The following RNF216 variants were observed in gnomAD, a reference collection of about 807,000 sequenced individuals.
RNF216 encodes ring finger protein 216.
Under a neutral mutation model 110.8 loss-of-function variants are expected in RNF216, and 72 were observed. The observed-to-expected ratio is 0.65, with a 90% CI of 0.54 to 0.79. The LOEUF (loss-of-function observed/expected upper bound fraction) is 0.79, where lower values mean the gene tolerates loss of function less well. Among genes scored for constraint, RNF216 ranks in the 30% least tolerant of loss-of-function variants. RNF216 has a pLI of 0.00. For missense variants in RNF216, 1,342 were observed against 1,141.2 expected (o/e 1.18, Z -2.54); for synonymous variants, 495 against 407.5 (o/e 1.21, Z -2.59).
intron 13 of RNF216, among the ~76,000 whole-genome samples, chr7:5,660,943 G>GTTTTTTTTTTTTTTT (rs1168463360): frequency 3.3e-4 from 30 of 90,150 alleles, no homozygotes; most frequent in South Asian, 7.3e-4. Flanking sequence ...GAAGCCTTAG[G>GTTTTTTTTTTTTTTT]TTTTTTTTTT....
chr7:5,681,663 GA>G (rs1212545006), intron 13 of RNF216, among the ~76,000 whole-genome samples: 1 of 152,172 alleles, frequency 6.6e-6, no homozygotes, highest in Non-Finnish European at 1.5e-5. Context: ...CTCAACTGGG[GA>G]TAGTTTTCTG....
At chr7:5,769,967 A>G (rs1045794375) in intron 1 of RNF216, among the ~76,000 whole-genome samples, 15 of 126,166 alleles carry the variant, frequency 1.2e-4, no homozygotes, top group African/African-American at 4.6e-4. Context: ...GCCAAGTTGC[A>G]GTGAGCTGAG....
chr7:5,683,010 C>G (rs1269871690), intron 13 of RNF216, among the ~76,000 whole-genome samples: 3 of 152,100 alleles, frequency 2.0e-5, no homozygotes, highest in Non-Finnish European at 2.9e-5. Flanking sequence ...CCTCCCATGA[C>G]GGGGTCACAA....
At chr7:5,647,185 G>T (rs1788101115) in intron 14 of RNF216, among the ~76,000 whole-genome samples, 1 of 151,758 alleles carries the variant, frequency 6.6e-6, no homozygotes, top group Admixed American at 6.6e-5. Flanking sequence ...TCTGGTGGGA[G>T]ATAGGAGTTT....
intron 13 of RNF216, among the ~76,000 whole-genome samples, chr7:5,664,723 TCTC>T (rs1430559086): frequency 1.3e-5 from 2 of 152,182 alleles, no homozygotes; most frequent in Non-Finnish European, 2.9e-5. Context: ...TGGCCAGCAT[TCTC>T]CTCTGCACTC....
chr7:5,693,409 T>G (rs148188033), intron 13 of RNF216, among the ~76,000 whole-genome samples: 96 of 152,362 alleles, frequency 6.3e-4, no homozygotes, highest in African/African-American at 2.3e-3. Context: ...GGACCTCCAC[T>G]GTACTGAGGT....
chr7:5,765,615 G>A (rs960951750), intron 1 of RNF216, among the ~76,000 whole-genome samples: 14 of 151,460 alleles, frequency 9.2e-5, no homozygotes, highest in Middle Eastern at 3.4e-3. Context: ...GGGTGAGAGC[G>A]AGACCCTGCC....
intron 13 of RNF216, among the ~76,000 whole-genome samples, chr7:5,700,114 G>C (rs1791871310): frequency 6.6e-6 from 1 of 152,110 alleles, no homozygotes; most frequent in Non-Finnish European, 1.5e-5. Context: ...CGGGGACAGG[G>C]GGTGTTTTCA....
At chr7:5,693,216 T>C (rs1791438380) in intron 13 of RNF216, among the ~76,000 whole-genome samples, 1 of 152,246 alleles carries the variant, frequency 6.6e-6, no homozygotes, top group South Asian at 2.1e-4. Flanking sequence ...TGTTTACATA[T>C]TGTCTGTGGT....
chr7:5,655,194 G>T (rs1361760490), intron 13 of RNF216, among the ~76,000 whole-genome samples: 1 of 152,194 alleles, frequency 6.6e-6, no homozygotes, highest in Non-Finnish European at 1.5e-5. Flanking sequence ...CCAGGTGCAT[G>T]TGAGGGCCAC....
chr7:5,714,193 T>C (rs1584497672), intron 11 of RNF216, among the ~76,000 whole-genome samples: 1 of 152,008 alleles, frequency 6.6e-6, no homozygotes, highest in East Asian at 1.9e-4. Context: ...GAACTCCTAA[T>C]CTTGTGATCC....
Position 5,781,565 on chromosome 7 carries a change from C to CA in RNF216, c.-95dup. On this transcript the variant is annotated 5_prime_UTR_variant, in exon 1 of 17. Coordinates refer to ENST00000389902, the MANE Select transcript of RNF216 (RefSeq NM_207111.4). Reference sequence around the variant, plus strand: ...CTCGTCACTCAAGTCGCCGGCTAGCCAGGCAGGTTCGGCGGCCTTCGCTAC... The same window carrying CA: ...CTCGTCACTCAAGTCGCCGGCTAGCCAAGGCAGGTTCGGCGGCCTTCGCTAC... 6.6e-6 allele frequency: 1 copy of CA among 152,332 alleles called. No individual in the cohort carries two copies. 9.4% of individuals were successfully genotyped at this position (152,332 alleles called of 1,614,324 possible). A position where few individuals can be genotyped will look rare whatever the true frequency, so the allele number is the denominator to read the frequency against.
chr7:5,682,780 T>C (rs1790742984), intron 13 of RNF216, among the ~76,000 whole-genome samples: 1 of 152,190 alleles, frequency 6.6e-6, no homozygotes, highest in African/African-American at 2.4e-5. Context: ...GAAAGAAATT[T>C]GAAACTGTGC....
intron 13 of RNF216, among the ~76,000 whole-genome samples, chr7:5,660,338 C>T (rs917209814): frequency 1.7e-5 from 2 of 114,892 alleles, no homozygotes; most frequent in African/African-American, 6.6e-5. Flanking sequence ...TGTCACCAGG[C>T]TAGAGTGCAG....
chr7:5,660,123 G>T (rs113324344), intron 13 of RNF216, among the ~76,000 whole-genome samples: 1 of 151,058 alleles, frequency 6.6e-6, no homozygotes, highest in Non-Finnish European at 1.5e-5. Context: ...GCTAAATTTT[G>T]TTATTTTATT....
intron 13 of RNF216, among the ~76,000 whole-genome samples, chr7:5,676,314 T>C (rs1315534845): frequency 1.3e-5 from 2 of 152,148 alleles, no homozygotes; most frequent in African/African-American, 4.8e-5. Context: ...TCAAGTTCTT[T>C]CCATGCCAAA....
chr7:5,693,843 C>T (rs1791474478), intron 13 of RNF216, among the ~76,000 whole-genome samples: 1 of 152,086 alleles, frequency 6.6e-6, no homozygotes, highest in Non-Finnish European at 1.5e-5. Context: ...GAGATGGACG[C>T]GGGTAGAGAC....
intron 13 of RNF216, among the ~76,000 whole-genome samples, chr7:5,693,470 C>T (rs1050421500): frequency 3.3e-5 from 5 of 152,082 alleles, no homozygotes; most frequent in African/African-American, 1.2e-4. Flanking sequence ...CATTGGATTT[C>T]CTTAAGAATA....
At chr7:5,632,146 C>G (rs1409556277) in intron 15 of RNF216, among the ~76,000 whole-genome samples, 1 of 152,232 alleles carries the variant, frequency 6.6e-6, no homozygotes, top group African/African-American at 2.4e-5. Flanking sequence ...AGAGGTTCAC[C>G]TGAACCTATT....
Sources: gnomAD v4.1 joint callset for allele counts (sites outside exome capture counted in the v4.1 genomes callset) on GRCh38, gnomAD v4.1.1 for gene constraint, MANE v1.5 for transcripts, NCBI Gene and HGNC (gene_info 2026-07-23, HGNC 2026-07-21) for gene names.